Variants in RALYL observed in about 807,000 individuals in gnomAD.
The protein encoded by RALYL is RALY RNA binding protein like.
In RALYL, 29 loss-of-function variants were observed where a neutral mutation model predicts 35.1. The observed-to-expected ratio is 0.83, with a 90% CI of 0.61 to 1.13. The LOEUF is 1.13. RALYL is among the 50% of genes most tolerant of loss of function. The pLI, the probability that RALYL is intolerant of heterozygous loss-of-function variation, is 0.00. For synonymous variants in RALYL, 120 were observed against 127.6 expected, an observed-to-expected ratio of 0.94 and a Z score of 0.40; for missense variants, 359 against 360.4, an observed-to-expected ratio of 1.00 and a Z score of 0.03.
At chr8:84,258,854 C>A (rs892135904) in intron 1 of RALYL, among the ~76,000 whole-genome samples, 1 of 152,168 alleles carries the variant, frequency 6.6e-6, no homozygotes, top group East Asian at 1.9e-4. Context: ...GATACCTCCT[C>A]TGTGAGGACT....
chr8:84,592,240 C>A (rs1268904978), intron 2 of RALYL, among the ~76,000 whole-genome samples: 3 of 152,068 alleles, frequency 2.0e-5, no homozygotes, highest in Non-Finnish European at 4.4e-5. Flanking sequence ...TGTTTAAAAA[C>A]CATAAGGAAA....
intron 2 of RALYL, among the ~76,000 whole-genome samples, chr8:84,682,786 A>G (rs957955658): frequency 4.6e-5 from 7 of 151,120 alleles, no homozygotes; most frequent in Non-Finnish European, 7.4e-5. Context: ...CTTTTCAAAA[A>G]ACCAGCTCCT....
intron 3 of RALYL, among the ~76,000 whole-genome samples, chr8:84,792,109 G>T (rs1008883769): frequency 6.6e-6 from 1 of 152,256 alleles, no homozygotes; most frequent in African/African-American, 2.4e-5. Flanking sequence ...ATGTGTTACA[G>T]TGCACTCCTT....
At chr8:84,635,735 G>A (rs1178524754) in intron 2 of RALYL, among the ~76,000 whole-genome samples, 2 of 151,688 alleles carry the variant, frequency 1.3e-5, no homozygotes, top group Non-Finnish European at 3.0e-5. Context: ...ATTTAGAAGG[G>A]AACTTATGTA....
intron 1 of RALYL, among the ~76,000 whole-genome samples, chr8:84,399,078 T>A (rs2042632562): frequency 6.6e-6 from 1 of 152,094 alleles, no homozygotes. Flanking sequence ...GTTGCCTAGA[T>A]AAAATTATGT....
intron 2 of RALYL, among the ~76,000 whole-genome samples, chr8:84,542,225 T>TA (rs1304990581): frequency 4.6e-5 from 7 of 152,110 alleles, no homozygotes; most frequent in African/African-American, 1.7e-4. Flanking sequence ...TTACTTTTTT[T>TA]ATACATCATC....
intron 1 of RALYL, among the ~76,000 whole-genome samples, chr8:84,287,773 A>G (rs1326462665): frequency 6.6e-6 from 1 of 152,198 alleles, no homozygotes; most frequent in Non-Finnish European, 1.5e-5. Flanking sequence ...AGAAGATCCA[A>G]TCGTTTCAGG....
intron 4 of RALYL, among the ~76,000 whole-genome samples, chr8:84,834,858 GA>G (rs1391828866): frequency 2.0e-5 from 3 of 151,994 alleles, no homozygotes; most frequent in African/African-American, 7.3e-5. Flanking sequence ...TGTAACATTC[GA>G]TTTAAAAAAA....
intron 2 of RALYL, among the ~76,000 whole-genome samples, chr8:84,598,698 A>G (rs886083679): frequency 6.6e-6 from 1 of 152,220 alleles, no homozygotes; most frequent in Non-Finnish European, 1.5e-5. Context: ...TACTATAAAC[A>G]GTATCATCTG....
chr8:84,821,301 G>A (rs185960682), intron 4 of RALYL, among the ~76,000 whole-genome samples: 2 of 152,220 alleles, frequency 1.3e-5, no homozygotes, highest in East Asian at 3.9e-4. Flanking sequence ...TGCTGAATAA[G>A]TGAGATACAG....
intron 4 of RALYL, among the ~76,000 whole-genome samples, chr8:84,847,145 C>T (rs1834837289): frequency 6.6e-6 from 1 of 152,226 alleles, no homozygotes; most frequent in African/African-American, 2.4e-5. Context: ...GCCCCCTACA[C>T]AAAATCCCTT....
intron 1 of RALYL, among the ~76,000 whole-genome samples, chr8:84,290,374 T>C (rs890210049): frequency 6.6e-6 from 1 of 152,136 alleles, no homozygotes; most frequent in South Asian, 2.1e-4. Context: ...TTCACCTGGG[T>C]GCAGGCGGGC....
At chr8:84,805,819 A>T (rs73299245) in intron 4 of RALYL, among the ~76,000 whole-genome samples, 2,076 of 152,356 alleles carry the variant, frequency 0.014, 48 homozygotes, top group African/African-American at 0.047. Flanking sequence ...TTTGACTAAC[A>T]TATTAAAGTG....
At chr8:84,442,382 C>G (rs2048421494) in intron 1 of RALYL, among the ~76,000 whole-genome samples, 1 of 152,074 alleles carries the variant, frequency 6.6e-6, no homozygotes, top group Admixed American at 6.6e-5. Flanking sequence ...TACATAGAGT[C>G]TATTTTCTCT....
At chr8:84,218,426 C>T (rs1821357116) in intron 1 of RALYL, among the ~76,000 whole-genome samples, 1 of 152,004 alleles carries the variant, frequency 6.6e-6, no homozygotes, top group African/African-American at 2.4e-5. Flanking sequence ...GTCAGTTCAA[C>T]TGTGACATGC....
chr8:84,454,683 A>G (rs1181329871), intron 1 of RALYL, among the ~76,000 whole-genome samples: 2 of 152,006 alleles, frequency 1.3e-5, no homozygotes, highest in African/African-American at 4.8e-5. Flanking sequence ...CATTTCATAC[A>G]TCTACTCTTT....
At chr8:84,555,062 C>T (rs557608242) in intron 2 of RALYL, among the ~76,000 whole-genome samples, 5 of 152,222 alleles carry the variant, frequency 3.3e-5, no homozygotes, top group South Asian at 2.1e-4. Context: ...GGGCAGATCA[C>T]GAGGTCAGGC....
At chr8:84,587,065 A>C (rs1812189647) in intron 2 of RALYL, among the ~76,000 whole-genome samples, 2 of 152,194 alleles carry the variant, frequency 1.3e-5, no homozygotes, top group Admixed American at 1.3e-4. Context: ...AGAAGCAGAA[A>C]GGAACAGACA....
intron 1 of RALYL, among the ~76,000 whole-genome samples, chr8:84,317,504 C>A (rs1413643696): frequency 1.3e-5 from 2 of 152,124 alleles, no homozygotes; most frequent in Non-Finnish European, 2.9e-5. Context: ...GTCTCTTTAG[C>A]AATGAGAGAA....
Sources: gnomAD v4.1 joint callset for allele counts (sites outside exome capture counted in the v4.1 genomes callset) on GRCh38, gnomAD v4.1.1 for gene constraint, MANE v1.5 for transcripts, NCBI Gene and HGNC (gene_info 2026-07-23, HGNC 2026-07-21) for gene names.